Variants in TMEFF2 observed in about 807,000 individuals in gnomAD.
TMEFF2 encodes the protein transmembrane protein with EGF like and two follistatin like domains 2, also known as tomoregulin-2.
Under a neutral mutation model 53.8 loss-of-function variants are expected in TMEFF2, and 28 were observed. That is an observed-to-expected ratio of 0.52 (90% CI 0.39 to 0.71). The LOEUF is 0.71. TMEFF2 is among the 30% of genes least tolerant of loss of function. TMEFF2 has a pLI of 0.00. For missense variants in TMEFF2, 353 were observed against 455.2 expected, an observed-to-expected ratio of 0.78 and a Z score of 2.04; for synonymous variants, 162 against 166.3, an observed-to-expected ratio of 0.97 and a Z score of 0.20.
chr2:192,064,908 C>T (rs1688132732), intron 4 of TMEFF2, among the ~76,000 whole-genome samples: 1 of 151,790 alleles, frequency 6.6e-6, no homozygotes, highest in Non-Finnish European at 1.5e-5. Flanking sequence ...AGGAATATGC[C>T]ATTGATTCTG....
chr2:192,131,369 C>T (rs1689823345), intron 4 of TMEFF2, among the ~76,000 whole-genome samples: 1 of 151,492 alleles, frequency 6.6e-6, no homozygotes, highest in Admixed American at 6.6e-5. Context: ...GGGGCAAGTA[C>T]CCCTCAACCC....
intron 7 of TMEFF2, among the ~76,000 whole-genome samples, chr2:191,964,196 TTC>T (rs1387412021): frequency 6.6e-6 from 1 of 151,826 alleles, no homozygotes; most frequent in African/African-American, 2.4e-5. Context: ...TTTCCTTCCT[TTC>T]TCTTTCTTTC....
At chr2:192,086,933 A>G (rs1431436932) in intron 4 of TMEFF2, among the ~76,000 whole-genome samples, 1 of 152,006 alleles carries the variant, frequency 6.6e-6, no homozygotes, top group Non-Finnish European at 1.5e-5. Context: ...TTAAGAAGAA[A>G]ATAATTGAAG....
intron 4 of TMEFF2, among the ~76,000 whole-genome samples, chr2:192,169,128 T>C (rs1690845039): frequency 6.6e-6 from 1 of 152,070 alleles, no homozygotes; most frequent in South Asian, 2.1e-4. Flanking sequence ...GTATTAATAG[T>C]CATTAGCCTG....
At chr2:192,133,295 C>G (rs562995886) in intron 4 of TMEFF2, among the ~76,000 whole-genome samples, 2 of 152,218 alleles carry the variant, frequency 1.3e-5, no homozygotes, top group East Asian at 1.9e-4. Context: ...TGTATCCCCC[C>G]ACCTTAACCC....
chr2:191,979,081 T>G (rs1172580869), intron 7 of TMEFF2, among the ~76,000 whole-genome samples: 2 of 152,190 alleles, frequency 1.3e-5, no homozygotes, highest in African/African-American at 4.8e-5. Context: ...GTAGTTTACA[T>G]ATTAGGATTT....
chr2:192,168,737 C>A (rs1255260056), intron 4 of TMEFF2, among the ~76,000 whole-genome samples: 1 of 152,014 alleles, frequency 6.6e-6, no homozygotes, highest in African/African-American at 2.4e-5. Context: ...TCATATCCAG[C>A]TTTTAATTTA....
intron 9 of TMEFF2, 42 bp from the exon 10 acceptor site, chr2:191,950,449 T>C: frequency 6.2e-7 from 1 of 1,613,968 alleles, no homozygotes; most frequent in African/African-American, 1.3e-5. Flanking sequence ...CCAATGCTAT[T>C]ACCTAAAGTT....
At chr2:192,145,820 T>C (rs756553835) in intron 4 of TMEFF2, among the ~76,000 whole-genome samples, 1 of 152,014 alleles carries the variant, frequency 6.6e-6, no homozygotes, top group Non-Finnish European at 1.5e-5. Flanking sequence ...ATTCTACTTA[T>C]AGAACTTAGA....
intron 5 of TMEFF2, chr2:192,032,443 G>A (rs1481656757): frequency 6.6e-6 from 1 of 152,176 alleles, no homozygotes; most frequent in African/African-American, 2.4e-5. Context: ...ATTAAAAAAT[G>A]TCATGACTTT....
At chr2:192,002,531 C>T (rs1475023334) in intron 5 of TMEFF2, among the ~76,000 whole-genome samples, 5 of 151,068 alleles carry the variant, frequency 3.3e-5, no homozygotes, top group Non-Finnish European at 7.4e-5. Flanking sequence ...GCTAAAATGG[C>T]TTGAAAACAA....
chr2:191,956,377 C>T lies in TMEFF2; in HGVS notation c.747G>A (p.Glu249=). The change falls in exon 8 of 10, where the codon GAG becomes GAA. Residue 249 remains glutamate (E), a splice_region_variant and synonymous_variant. Coordinates refer to ENST00000272771, the MANE Select transcript of TMEFF2 (RefSeq NM_016192.4). ...DGHYARTDYA[E]NANKLEESAR... is the part of the protein sequence containing the mutation. ...CACTTTCTTCTAATTTGTTAGCATT[C>T]TCTGTGAATACAGATAAAAGTAAGC... 6.2e-7 allele frequency: 1 copy of T among 1,613,056 alleles called. No individual in the cohort carries two copies.
At chr2:191,950,503 T>C in intron 9 of TMEFF2, 96 bp from the exon 10 acceptor site, 1 of 1,483,036 alleles carries the variant, frequency 6.7e-7, no homozygotes, top group African/African-American at 1.4e-5. Context: ...AAGCAAATTA[T>C]TAAAATATTT....
At chr2:191,996,724 T>C (rs1017868450) in intron 7 of TMEFF2, among the ~76,000 whole-genome samples, 1 of 151,952 alleles carries the variant, frequency 6.6e-6, no homozygotes, top group Non-Finnish European at 1.5e-5. Flanking sequence ...ATTACAGTAT[T>C]GTAACTTTGT....
intron 5 of TMEFF2, among the ~76,000 whole-genome samples, chr2:192,022,917 A>G (rs1686889072): frequency 6.6e-6 from 1 of 152,214 alleles, no homozygotes; most frequent in African/African-American, 2.4e-5. Context: ...TGAAGTAAGT[A>G]TCTCCCAATC....
chr2:192,031,433 A>G (rs1687135380), intron 5 of TMEFF2: 1 of 152,184 alleles, frequency 6.6e-6, no homozygotes, highest in Non-Finnish European at 1.5e-5. Context: ...CGGCAAAAAT[A>G]TTTGTCCATA....
chr2:191,995,641 A>G (rs918979453), intron 7 of TMEFF2, among the ~76,000 whole-genome samples: 4 of 152,074 alleles, frequency 2.6e-5, no homozygotes, highest in African/African-American at 9.7e-5. Flanking sequence ...TGTAAATACT[A>G]TTGGAAGCTT....
rs773225299 is a variant in TMEFF2 at position 192,167,627 on chromosome 2, C to A, written c.439+12041G>T. ...TCTTTTTCCAAGTTCTCCTTTTTAT[C>A]CTCTACACTTACATTTTATATTCGA... On this transcript the variant is annotated intron_variant, in intron 4 of 9. Transcript: ENST00000272771. Among the ~76,000 whole-genome samples the A allele has an allele frequency of 5.3e-5, 8 of 152,170 alleles. No individual in the cohort carries two copies. In the South Asian group the frequency reaches 1.7e-3, roughly 32 times the overall value.
chr2:192,061,090 C>G (rs1292510318), intron 4 of TMEFF2, among the ~76,000 whole-genome samples: 1 of 152,164 alleles, frequency 6.6e-6, no homozygotes, highest in East Asian at 1.9e-4. Context: ...CATCACCACC[C>G]TGTTCTTCTT....
Sources: gnomAD v4.1 joint callset for allele counts (sites outside exome capture counted in the v4.1 genomes callset) on GRCh38, gnomAD v4.1.1 for gene constraint, MANE v1.5 for transcripts, NCBI Gene and HGNC (gene_info 2026-07-23, HGNC 2026-07-21) for gene names.